AFF3: variants seen among roughly 807,000 people sequenced by gnomAD.
AFF3 encodes AF4/FMR2 family member 3.
In AFF3, 32 loss-of-function variants were observed where a neutral mutation model predicts 129.7. The ratio of observed to expected loss-of-function variants is 0.25; its 90% confidence interval spans 0.19 to 0.33. The LOEUF (loss-of-function observed/expected upper bound fraction) is 0.33. Ranked by LOEUF, AFF3 falls within the 10% of genes least tolerant of loss-of-function variation. AFF3 has a pLI of 1.00. For synonymous variants in AFF3, 644 were observed against 635.4 expected, an observed-to-expected ratio of 1.01 and a Z score of -0.20; for missense variants, 1,373 against 1,592.0, an observed-to-expected ratio of 0.86 and a Z score of 2.34.
rs1293285692 is a variant in AFF3 at position 99,670,901 on chromosome 2, AT to A, written c.1143+1636del. ...ATCTGACCTGTACATTCATAACACA[AT>A]ATTATCAATGAGTACAGAATGGAAG... On this transcript the variant is annotated intron_variant, in intron 12 of 24. Coordinates refer to ENST00000672756, the MANE Select transcript of AFF3 (RefSeq NM_001386135.1). 2.6e-5 allele frequency among the ~76,000 whole-genome samples: 4 copies of A among 152,338 alleles called. No individual in the cohort carries two copies. The East Asian group carries it at 5.8e-4, about 22-fold the overall frequency.
At position 99,795,047 on chromosome 2, in the gene AFF3, G is replaced by A. The variant is rs113911473; in HGVS notation, c.921+42430C>T. On this transcript the variant is annotated intron_variant, in intron 8 of 24. Coordinates refer to ENST00000672756, the MANE Select transcript of AFF3 (RefSeq NM_001386135.1). ...GACTATATAATTTGCTGTCTATACT[G>A]GTATATTTCTGAAGTGCTAAAATGC... Among the ~76,000 whole-genome samples, 776 of 152,160 alleles carry A rather than the reference G, an allele frequency of 5.1e-3. 3 individuals are homozygous for A. Among genetic ancestry groups the A allele is most frequent in the African/African-American group, 0.018 (748 of 41,500 alleles).
intron 16 of AFF3, among the ~76,000 whole-genome samples, chr2:99,586,828 G>C (rs1296105201): frequency 6.6e-6 from 1 of 152,144 alleles, no homozygotes; most frequent in Admixed American, 6.6e-5. Context: ...GTTCTTAGGA[G>C]TTTAGCGGTT....
intron 12 of AFF3, among the ~76,000 whole-genome samples, chr2:99,670,399 T>TAAA (rs1270515631): frequency 6.6e-6 from 1 of 152,106 alleles, no homozygotes; most frequent in Admixed American, 6.5e-5. Flanking sequence ...GGATTTTTCA[T>TAAA]ACACTGTAGT....
In AFF3 at chr2:99,951,254, TA is replaced by T. The variant is rs369668316; in HGVS notation, c.873+55377del. ...ATAAAGAGGATCATTTTTGCAAAAA[TA>T]ACTTACGGTTTCTGCAATTCTTGCA... On this transcript the variant is annotated intron_variant, in intron 7 of 24. Coordinates refer to ENST00000672756, the MANE Select transcript of AFF3 (RefSeq NM_001386135.1). Among the ~76,000 whole-genome samples, 405 of 152,320 alleles carry T rather than the reference TA, an allele frequency of 2.7e-3. 2 individuals are homozygous for T. The highest frequency in any genetic ancestry group is 9.2e-3 in the African/African-American group (384 of 41,580).
At chr2:99,897,576 C>A (rs920034919) in intron 7 of AFF3, among the ~76,000 whole-genome samples, 1 of 152,160 alleles carries the variant, frequency 6.6e-6, no homozygotes, top group African/African-American at 2.4e-5. Flanking sequence ...ACCAGACCAC[C>A]TTTTCAAAAC....
chr2:100,081,176 C>T (rs537103454), intron 4 of AFF3, among the ~76,000 whole-genome samples: 153 of 152,170 alleles, frequency 1.0e-3, no homozygotes, highest in Admixed American at 2.7e-3. Context: ...ACTCAGGTGA[C>T]GGAAACCCTA....
intron 11 of AFF3, among the ~76,000 whole-genome samples, chr2:99,695,058 A>G (rs1356794303): frequency 6.6e-6 from 1 of 152,134 alleles, no homozygotes; most frequent in Non-Finnish European, 1.5e-5. Context: ...GTAAATTTTA[A>G]TAATATATTT....
At chr2:99,853,468 T>C (rs1301052513) in intron 7 of AFF3, among the ~76,000 whole-genome samples, 3 of 152,222 alleles carry the variant, frequency 2.0e-5, no homozygotes, top group Non-Finnish European at 2.9e-5. Context: ...ATATAAATTG[T>C]TGAACACATC....
At chr2:99,994,945 G>A (rs1680703163) in intron 7 of AFF3, among the ~76,000 whole-genome samples, 1 of 152,190 alleles carries the variant, frequency 6.6e-6, no homozygotes, top group African/African-American at 2.4e-5. Flanking sequence ...CCCCATCCTA[G>A]AAGATGACAG....
At chr2:99,874,636 A>G (rs1692146747) in intron 7 of AFF3, among the ~76,000 whole-genome samples, 2 of 152,324 alleles carry the variant, frequency 1.3e-5, no homozygotes, top group African/African-American at 4.8e-5. Flanking sequence ...AAAGAAACAG[A>G]ACTTACTGAA....
At chr2:100,050,571 G>C (rs989609218) in intron 4 of AFF3, among the ~76,000 whole-genome samples, 1 of 152,146 alleles carries the variant, frequency 6.6e-6, no homozygotes, top group Non-Finnish European at 1.5e-5. Context: ...GTCTAGAAAA[G>C]ATGTAACTGC....
At chr2:99,728,376 T>C (rs1411517397) in intron 10 of AFF3, among the ~76,000 whole-genome samples, 3 of 152,180 alleles carry the variant, frequency 2.0e-5, no homozygotes, top group African/African-American at 7.2e-5. Flanking sequence ...TGGAGATCTC[T>C]AGAATCCCTT....
chr2:100,056,061 TCTCACACACACACACA>T (rs1421180866), intron 4 of AFF3, among the ~76,000 whole-genome samples: 4 of 133,470 alleles, frequency 3.0e-5, no homozygotes, highest in Admixed American at 7.6e-5. Flanking sequence ...GCTGTCTCTC[TCTCACACACACACACA>T]CACACACACA....
chr2:99,891,972 G>A (rs748475385), intron 7 of AFF3, among the ~76,000 whole-genome samples: 21 of 152,214 alleles, frequency 1.4e-4, no homozygotes, highest in African/African-American at 4.6e-4. Flanking sequence ...ACAGGCACCC[G>A]CCACCATGCC....
At chr2:99,877,900 A>G (rs553047941) in intron 7 of AFF3, among the ~76,000 whole-genome samples, 1 of 152,286 alleles carries the variant, frequency 6.6e-6, no homozygotes, top group Admixed American at 6.5e-5. Flanking sequence ...TGCTGGAGAG[A>G]GAGTAGTAAG....
intron 7 of AFF3, among the ~76,000 whole-genome samples, chr2:99,881,381 C>T (rs7590354): frequency 0.38 from 56,119 of 147,388 alleles, 10,840 homozygotes; most frequent in East Asian, 0.52. Context: ...ATAGCAAAGA[C>T]GGATTCATTT....
intron 11 of AFF3, chr2:99,707,362 C>A (rs947711429): frequency 2.0e-6 from 2 of 984,976 alleles, no homozygotes; most frequent in African/African-American, 3.5e-5. Context: ...ATTAAAAAAG[C>A]CATCTTCATG....
chr2:99,765,635 G>A (rs1682948816), intron 8 of AFF3, among the ~76,000 whole-genome samples: 1 of 152,222 alleles, frequency 6.6e-6, no homozygotes, highest in South Asian at 2.1e-4. Context: ...CTGGCACATA[G>A]TAGGTGCTCA....
chr2:99,914,784 G>A (rs1034699708), intron 7 of AFF3, among the ~76,000 whole-genome samples: 2 of 151,966 alleles, frequency 1.3e-5, no homozygotes, highest in African/African-American at 4.8e-5. Context: ...GCTGGGCATG[G>A]TGGCACACGT....
Sources: allele counts gnomAD v4.1 joint callset (sites outside exome capture counted in the v4.1 genomes callset), GRCh38; gene constraint gnomAD v4.1.1; transcripts MANE v1.5; gene names NCBI Gene and HGNC (gene_info 2026-07-23, HGNC 2026-07-21).